The following FGF2 variants were observed in gnomAD, a reference collection of about 807,000 sequenced individuals.
The protein encoded by FGF2 is basic fibroblast growth factor bFGF.
A neutral mutation model predicts 15.9 loss-of-function variants in FGF2; 13 were observed. The observed-to-expected ratio is 0.82, with a 90% CI of 0.53 to 1.30. The LOEUF is 1.30. Among genes scored for constraint, FGF2 ranks in the 50% most tolerant of loss-of-function variants. The pLI is 0.00. For synonymous variants in FGF2, 90 were observed against 78.4 expected, an observed-to-expected ratio of 1.15 and a Z score of -0.78; for missense variants, 163 against 196.9, an observed-to-expected ratio of 0.83 and a Z score of 1.03.
intron 2 of FGF2, among the ~76,000 whole-genome samples, chr4:122,877,960 G>A (rs1560754694): frequency 6.6e-6 from 1 of 152,086 alleles, no homozygotes; most frequent in Non-Finnish European, 1.5e-5. Flanking sequence ...TGAGTGTAGT[G>A]GCTCTCAATT....
intron 1 of FGF2, among the ~76,000 whole-genome samples, chr4:122,847,903 C>T (rs1726149417): frequency 6.6e-6 from 1 of 152,232 alleles, no homozygotes; most frequent in Non-Finnish European, 1.5e-5. Context: ...ATCTACTCTA[C>T]TCAAAGTCCA....
intron 1 of FGF2, among the ~76,000 whole-genome samples, chr4:122,838,837 G>A (rs147877799): frequency 2.4e-4 from 37 of 152,260 alleles, no homozygotes; most frequent in African/African-American, 7.2e-4. Context: ...CAAAAATAGC[G>A]TAGCATGTAA....
intron 1 of FGF2, among the ~76,000 whole-genome samples, chr4:122,831,480 C>G (rs1400642616): frequency 6.6e-6 from 1 of 152,162 alleles, no homozygotes; most frequent in African/African-American, 2.4e-5. Context: ...ATTCTCTCCC[C>G]CCACCTCTCT....
At chr4:122,842,623 A>G (rs1726013223) in intron 1 of FGF2, among the ~76,000 whole-genome samples, 2 of 152,208 alleles carry the variant, frequency 1.3e-5, no homozygotes, top group African/African-American at 2.4e-5. Context: ...ATCTCATTAC[A>G]TAGTGTCCAC....
At chr4:122,886,293 G>A (rs1379291782) in intron 2 of FGF2, among the ~76,000 whole-genome samples, 2 of 152,020 alleles carry the variant, frequency 1.3e-5, no homozygotes, top group African/African-American at 4.8e-5. Flanking sequence ...TACCATTTTT[G>A]TGGCATATAA....
At chr4:122,863,811 C>T (rs1449365180) in intron 1 of FGF2, among the ~76,000 whole-genome samples, 2 of 152,180 alleles carry the variant, frequency 1.3e-5, no homozygotes, top group African/African-American at 4.8e-5. Context: ...GGCAGGCTGG[C>T]AGAACTGGCA....
chr4:122,889,332 T>C (rs913142940), intron 2 of FGF2, among the ~76,000 whole-genome samples: 9 of 152,212 alleles, frequency 5.9e-5, no homozygotes, highest in Non-Finnish European at 8.8e-5. Context: ...ACTTTCTTTG[T>C]GGTGGCATTC....
intron 2 of FGF2, among the ~76,000 whole-genome samples, chr4:122,890,769 A>G (rs1478243652): frequency 2.6e-5 from 4 of 152,216 alleles, no homozygotes; most frequent in East Asian, 3.8e-4. Context: ...ATATGAGTAT[A>G]TAGAAATAAA....
chr4:122,831,491 T>C (rs1339877634), intron 1 of FGF2, among the ~76,000 whole-genome samples: 3 of 152,224 alleles, frequency 2.0e-5, no homozygotes, highest in Non-Finnish European at 1.5e-5. Context: ...CCACCTCTCT[T>C]TGGTAATATC....
rs1455554374 is a variant in FGF2 at position 122,896,357 on chromosome 4, A to T, written c.*3961A>T. Reference sequence around the variant, plus strand: ...ATTCAGAGGACCCATAAGAGTTCACATGAAAAAAATCAATTTATTTGAAAA... The same window carrying T: ...ATTCAGAGGACCCATAAGAGTTCACTTGAAAAAAATCAATTTATTTGAAAA... On this transcript the variant is annotated 3_prime_UTR_variant, in exon 3 of 3. Transcript: ENST00000644866. The T allele has an allele frequency of 1.3e-5, 2 of 152,610 alleles. No homozygotes were observed. The highest frequency in any genetic ancestry group is 2.9e-5 in the Non-Finnish European group (2 of 68,034). The allele number at this position is 152,610 out of a possible 1,614,324, so 9.5% of individuals were successfully genotyped here. A position where few individuals can be genotyped will look rare whatever the true frequency, so the allele number is the denominator to read the frequency against.
In FGF2 at chr4:122,876,344, G is replaced by A; in HGVS notation, c.202G>A (p.Glu68Lys). The A allele has an allele frequency of 6.2e-7, 1 of 1,612,650 alleles. No homozygotes were observed. The highest frequency in any genetic ancestry group is 8.5e-7 in the Non-Finnish European group (1 of 1,178,828). The change falls in exon 2 of 3, where the codon GAG becomes AAG. Residue 68 changes from glutamate (E) to lysine (K), a missense_variant. By Grantham distance (56) the Glu-to-Lys change is moderately conservative (BLOSUM62 1). Coordinates refer to ENST00000644866, the MANE Select transcript of FGF2 (RefSeq NM_001361665.2). ...AGTCAAGCTACAACTTCAAGCAGAA[G>A]AGAGAGGAGTTGTGTCTATCAAAGG... is the stretch of plus-strand genomic sequence containing the variant. ...PHIKLQLQAE[E>K]RGVVSIKGVC...
rs1178318881 is a variant in FGF2, at chr4:122,892,623, G to A, written c.*227G>A. Reference sequence around the variant, plus strand: ...TATATTGCATCTGCTGTTACCCAGTGAAGCTTACCTAGAGCAATGATCTTT... The same window carrying A: ...TATATTGCATCTGCTGTTACCCAGTAAAGCTTACCTAGAGCAATGATCTTT... On this transcript the variant is annotated 3_prime_UTR_variant, in exon 3 of 3. Coordinates refer to ENST00000644866, the MANE Select transcript of FGF2 (RefSeq NM_001361665.2). 3 of 1,429,266 alleles carry A rather than the reference G, an allele frequency of 2.1e-6. No homozygotes were observed. In the African/African-American group the frequency reaches 4.3e-5, roughly 21 times the overall value. 88.5% of individuals were successfully genotyped at this position (1,429,266 alleles called of 1,614,324 possible). A position where few individuals can be genotyped will look rare whatever the true frequency, so the allele number is the denominator to read the frequency against.
intron 1 of FGF2, among the ~76,000 whole-genome samples, chr4:122,841,329 G>T (rs557986347): frequency 6.6e-6 from 1 of 152,178 alleles, no homozygotes; most frequent in Non-Finnish European, 1.5e-5. Context: ...AAAATGTGCT[G>T]ACCCCTGGCT....
intron 1 of FGF2, among the ~76,000 whole-genome samples, chr4:122,868,449 C>A (rs1385335501): frequency 3.3e-5 from 5 of 152,196 alleles, no homozygotes; most frequent in African/African-American, 1.2e-4. Flanking sequence ...AAGACATGAT[C>A]TCATTCCTTT....
intron 1 of FGF2, among the ~76,000 whole-genome samples, chr4:122,869,960 G>A (rs139735346): frequency 0.014 from 2,176 of 152,230 alleles, 56 homozygotes; most frequent in African/African-American, 0.049. Context: ...CAATATATTG[G>A]CTGTGGGTTT....
intron 1 of FGF2, among the ~76,000 whole-genome samples, chr4:122,866,166 G>A (rs906655523): frequency 2.0e-5 from 3 of 152,060 alleles, no homozygotes; most frequent in African/African-American, 4.8e-5. Flanking sequence ...TCAGGAGATC[G>A]AGACCATCCT....
chr4:122,861,280 C>G (rs559077992), intron 1 of FGF2, among the ~76,000 whole-genome samples: 2 of 152,276 alleles, frequency 1.3e-5, no homozygotes, highest in African/African-American at 4.8e-5. Flanking sequence ...TTTTTGAACT[C>G]TGGATTCATA....
intron 1 of FGF2, among the ~76,000 whole-genome samples, chr4:122,844,586 T>TTC (rs1560740322): frequency 5.8e-4 from 78 of 133,868 alleles, no homozygotes; most frequent in African/African-American, 2.2e-3. Flanking sequence ...TTTCTTTCTT[T>TTC]CTTCCTTCCT....
At position 122,880,737 on chromosome 4, in the gene FGF2, T is replaced by C. The variant is rs148375441; in HGVS notation, c.282+4313T>C. 6.8e-3 allele frequency among the ~76,000 whole-genome samples: 1,042 copies of C among 152,236 alleles called. 9 individuals are homozygous for C. Among genetic ancestry groups the C allele is most frequent in the African/African-American group, 0.024 (999 of 41,540 alleles). ...AGTGTCTGTGGCTTTTCTAGGTGCATGGTGCAAGCTCTCAGTAGATCTACC... is the reference window on the plus strand; with the variant it reads ...AGTGTCTGTGGCTTTTCTAGGTGCACGGTGCAAGCTCTCAGTAGATCTACC... On this transcript the variant is annotated intron_variant, in intron 2 of 2. Coordinates refer to ENST00000644866, the MANE Select transcript of FGF2 (RefSeq NM_001361665.2).
Sources: allele counts gnomAD v4.1 joint callset (sites outside exome capture counted in the v4.1 genomes callset), GRCh38; gene constraint gnomAD v4.1.1; transcripts MANE v1.5; gene names NCBI Gene and HGNC (gene_info 2026-07-23, HGNC 2026-07-21).